Variants in PARD3B observed in about 807,000 individuals in gnomAD.
PARD3B encodes the protein partitioning defective 3 homolog B.
PARD3B carries 103 observed loss-of-function variants against 130.2 expected under a neutral mutation model. The ratio of observed to expected loss-of-function variants is 0.79; its 90% CI spans 0.67 to 0.93. The LOEUF is 0.93. PARD3B is among the 40% of genes least tolerant of loss of function. The pLI, the probability that PARD3B is intolerant of heterozygous loss-of-function variation, is 0.00. For missense variants in PARD3B, 1,609 were observed against 1,499.2 expected (o/e 1.07, Z -1.21); for synonymous variants, 583 against 553.2 (o/e 1.05, Z -0.76).
chr2:204,651,081 C>T (rs904345373), intron 1 of PARD3B, among the ~76,000 whole-genome samples: 8 of 152,244 alleles, frequency 5.3e-5, no homozygotes, highest in African/African-American at 1.7e-4. Flanking sequence ...CAGAGCCAAA[C>T]CATATTATTC....
rs370691962 is a variant in PARD3B, at chr2:204,545,514, G to A, written c.-486G>A. ...GAGCGCGGGCGCCGCAGAGGAGTTGGGAGCCGGCGCAAAAGTTTCCTCCCA... is the reference window on the plus strand; with the variant it reads ...GAGCGCGGGCGCCGCAGAGGAGTTGAGAGCCGGCGCAAAAGTTTCCTCCCA... On this transcript the variant is annotated 5_prime_UTR_variant, in exon 1 of 23. Transcript: ENST00000406610. 7.2e-5 allele frequency among the ~76,000 whole-genome samples: 11 copies of A among 151,988 alleles called. 1 individual carries two copies. The highest frequency in any genetic ancestry group is 5.9e-4 in the East Asian group (3 of 5,122).
intron 4 of PARD3B, among the ~76,000 whole-genome samples, chr2:205,056,177 T>G (rs1699620665): frequency 6.6e-6 from 1 of 151,728 alleles, no homozygotes; most frequent in African/African-American, 2.4e-5. Context: ...GAGCATGGTG[T>G]GATTCATAGA....
rs184657044 is a variant in PARD3B, at chr2:205,476,771, A to G, written c.3045-23125A>G. ...TTTACACAGCAATCATTTATCACTT[A>G]TAAGTGTTAATCACTTATTAACAGT... On this transcript the variant is annotated intron_variant, in intron 20 of 22. Coordinates refer to ENST00000406610, the MANE Select transcript of PARD3B (RefSeq NM_001302769.2). Among the ~76,000 whole-genome samples, 8 of 152,330 alleles carry G rather than the reference A, an allele frequency of 5.3e-5. No homozygotes were observed. In the East Asian group the frequency reaches 1.5e-3, roughly 29 times the overall value.
chr2:205,188,397 A>G (rs113047916), intron 14 of PARD3B, among the ~76,000 whole-genome samples: 1 of 152,262 alleles, frequency 6.6e-6, no homozygotes. Context: ...GCAGTGGAGA[A>G]GCATTGAAGC....
intron 16 of PARD3B, among the ~76,000 whole-genome samples, chr2:205,278,865 T>C (rs1054352891): frequency 6.6e-6 from 1 of 151,266 alleles, no homozygotes; most frequent in African/African-American, 2.4e-5. Context: ...AGATCAGGAG[T>C]TCGAGACCAG....
intron 3 of PARD3B, among the ~76,000 whole-genome samples, chr2:204,986,129 G>C (rs1222989218): frequency 7.5e-6 from 1 of 133,188 alleles, no homozygotes; most frequent in Non-Finnish European, 1.6e-5. Flanking sequence ...AAAAAAAAGA[G>C]CTTATCTGGG....
At chr2:205,092,744 C>G (rs1408042099) in intron 4 of PARD3B, among the ~76,000 whole-genome samples, 1 of 152,120 alleles carries the variant, frequency 6.6e-6, no homozygotes, top group Non-Finnish European at 1.5e-5. Context: ...CCATACTGAT[C>G]AACAATCTCT....
intron 11 of PARD3B, among the ~76,000 whole-genome samples, chr2:205,163,525 A>G (rs939614638): frequency 6.6e-6 from 1 of 152,240 alleles, no homozygotes; most frequent in Admixed American, 6.5e-5. Context: ...CATAATCTGC[A>G]CTGTTTAGTA....
At chr2:205,181,513 G>T (rs1424693629) in intron 13 of PARD3B, among the ~76,000 whole-genome samples, 2 of 152,168 alleles carry the variant, frequency 1.3e-5, no homozygotes, top group Non-Finnish European at 2.9e-5. Context: ...GTAGGTCTCT[G>T]TCATCACTCA....
chr2:205,037,392 A>G (rs1028011332), intron 3 of PARD3B, among the ~76,000 whole-genome samples: 2 of 146,412 alleles, frequency 1.4e-5, no homozygotes, highest in South Asian at 2.2e-4. Context: ...TGTATAAAAT[A>G]TATATATAGT....
chr2:205,248,936 A>AACTTCTTT (rs1420753385), intron 16 of PARD3B, among the ~76,000 whole-genome samples: 1 of 151,226 alleles, frequency 6.6e-6, no homozygotes, highest in African/African-American at 2.4e-5. Flanking sequence ...GGAATCAGTT[A>AACTTCTTT]ACTTCTTTTT....
intron 4 of PARD3B, among the ~76,000 whole-genome samples, chr2:205,056,993 A>G (rs1190077449): frequency 1.6e-5 from 2 of 123,262 alleles, no homozygotes; most frequent in African/African-American, 5.8e-5. Flanking sequence ...TGATATTGAT[A>G]TAAGGTTATG....
chr2:204,869,065 A>G (rs2045533688), intron 2 of PARD3B, among the ~76,000 whole-genome samples: 1 of 152,046 alleles, frequency 6.6e-6, no homozygotes, highest in South Asian at 2.1e-4. Context: ...TTTGAGGTTG[A>G]TGTATTTTTT....
intron 1 of PARD3B, among the ~76,000 whole-genome samples, chr2:204,608,819 T>C (rs185307919): frequency 7.2e-5 from 11 of 152,310 alleles, no homozygotes; most frequent in Non-Finnish European, 8.8e-5. Context: ...TTTTAGTCTT[T>C]AAGTTTCTCA....
At chr2:205,238,094 T>A (rs2039150305) in intron 15 of PARD3B, among the ~76,000 whole-genome samples, 1 of 152,204 alleles carries the variant, frequency 6.6e-6, no homozygotes, top group South Asian at 2.1e-4. Context: ...TATTTATTCT[T>A]ACACATGCCG....
chr2:205,024,298 G>A (rs1450613452), intron 3 of PARD3B, among the ~76,000 whole-genome samples: 2 of 150,142 alleles, frequency 1.3e-5, no homozygotes, highest in Non-Finnish European at 3.0e-5. Flanking sequence ...CTCCCAAGTA[G>A]TTGGGATTAC....
chr2:204,794,242 C>G (rs1347380598), intron 2 of PARD3B, among the ~76,000 whole-genome samples: 2 of 152,046 alleles, frequency 1.3e-5, no homozygotes, highest in African/African-American at 2.4e-5. Context: ...AGACTTAAAT[C>G]TCTATAAATT....
At chr2:204,639,586 C>T (rs558557144) in intron 1 of PARD3B, among the ~76,000 whole-genome samples, 1 of 152,104 alleles carries the variant, frequency 6.6e-6, no homozygotes, top group Non-Finnish European at 1.5e-5. Flanking sequence ...ACTGTTTACA[C>T]AGAATTTAAT....
intron 3 of PARD3B, among the ~76,000 whole-genome samples, chr2:204,983,233 A>C (rs1158986929): frequency 6.6e-6 from 1 of 152,094 alleles, no homozygotes; most frequent in East Asian, 1.9e-4. Context: ...GAGTTTCTTT[A>C]TTTGGTAGTT....
Sources: gnomAD v4.1 joint callset for allele counts (sites outside exome capture counted in the v4.1 genomes callset) on GRCh38, gnomAD v4.1.1 for gene constraint, MANE v1.5 for transcripts, NCBI Gene and HGNC (gene_info 2026-07-23, HGNC 2026-07-21) for gene names.